The following ATP6AP2 variants were observed in gnomAD, a reference collection of about 807,000 sequenced individuals.
ATP6AP2 encodes the protein ATPase H+ transporting accessory protein 2, also known as renin receptor.
Under a neutral mutation model 23.4 loss-of-function variants are expected in ATP6AP2, and 1 was observed. That is an observed-to-expected ratio of 0.04 (90% CI 0.02 to 0.20). The LOEUF is 0.20. Among genes scored for constraint, ATP6AP2 ranks in the 10% least tolerant of loss-of-function variants. The pLI, the probability that ATP6AP2 is intolerant of heterozygous loss-of-function variation, is 1.00. For synonymous variants in ATP6AP2, 90 were observed against 97.1 expected (o/e 0.93, Z 0.43); for missense variants, 174 against 271.3 (o/e 0.64, Z 2.52).
Position 40,600,789 on chromosome X carries a change from G to T in ATP6AP2, c.766G>T (p.Gly256Cys), listed in dbSNP as rs777353753. 2 of 1,207,820 alleles carry T rather than the reference G, an allele frequency of 1.7e-6. No individual in the cohort carries two copies. Among genetic ancestry groups the T allele is most frequent in the Admixed American group, 4.3e-5 (2 of 46,026 alleles). Residue 256 changes from glycine to cysteine, a missense_variant, in exon 8 of 9, where the codon GGT becomes TGT. Physicochemically the swap from Gly to Cys is radical, Grantham distance 159. Transcript: ENST00000636580. ...KFADDMYSLY[G>C]GNAVVELVTV... ...TGCAGATGACATGTACAGTCTTTAT[G>T]GTGGGAATGCAGTGGTAGAGTTAGT...
At chrX:40,582,137 C>T (rs1926342781) in intron 1 of ATP6AP2, among the ~76,000 whole-genome samples, 1 of 111,808 alleles carries the variant, frequency 8.9e-6, no homozygotes, top group Admixed American at 9.5e-5. Flanking sequence ...CAGTTTAAAA[C>T]CTATGGGAGG....
At position 40,598,657 on chromosome X, in the gene ATP6AP2, T is replaced by A. The variant is rs371068792; in HGVS notation, c.535-24T>A. ...CTCTGGTGCACATTTAAAAGAATGC[T>A]CTTTTTTTTTGGGCTCTCTGAAGGT... is the stretch of plus-strand genomic sequence containing the variant. On this transcript the variant is annotated intron_variant, in intron 5 of 8. Coordinates refer to ENST00000636580, the MANE Select transcript of ATP6AP2 (RefSeq NM_005765.3). 1.0e-5 allele frequency: 12 copies of A among 1,196,042 alleles called. No homozygotes were observed. In the African/African-American group the frequency reaches 2.1e-4, roughly 21 times the overall value.
rs770593270 is a variant in ATP6AP2, at chrX:40,597,251, A to G, written c.303A>G (p.Ala101=). 1.7e-6 allele frequency: 2 copies of G among 1,191,442 alleles called. No individual in the cohort carries two copies. Among genetic ancestry groups the G allele is most frequent in the Middle Eastern group, 2.3e-4 (1 of 4,286 alleles). ...GSVISYPLEN[A]VPFSLDSVAN... ...GCGTTCTTACTCTTAAATTTCAGGC[A>G]GTTCCTTTTAGTCTTGACAGTGTTG... is the stretch of plus-strand genomic sequence containing the variant. The change falls in exon 4 of 9, where the codon GCA becomes GCG. Residue 101 remains alanine, a splice_region_variant and synonymous_variant. Coordinates refer to ENST00000636580, the MANE Select transcript of ATP6AP2 (RefSeq NM_005765.3).
chrX:40,584,138 G>A (rs1206719522), intron 1 of ATP6AP2, among the ~76,000 whole-genome samples: 1 of 110,165 alleles, frequency 9.1e-6, no homozygotes, highest in Non-Finnish European at 1.9e-5. Context: ...GTGCACTGGT[G>A]TGATCACAGC....
At chrX:40,586,774 A>G (rs985829490) in intron 1 of ATP6AP2, among the ~76,000 whole-genome samples, 1 of 111,732 alleles carries the variant, frequency 8.9e-6, no homozygotes, top group East Asian at 2.8e-4. Flanking sequence ...AGTTTGGACA[A>G]ATGACCTTCC....
At chrX:40,581,785 A>G (rs1192747333) in intron 1 of ATP6AP2, among the ~76,000 whole-genome samples, 1 of 111,877 alleles carries the variant, frequency 8.9e-6, no homozygotes, top group Non-Finnish European at 1.9e-5. Flanking sequence ...GCATTCAGCA[A>G]GAGGTGAAGA....
rs1284453932 is a variant in ATP6AP2, at chrX:40,600,626, T to C, written c.739-136T>C. On this transcript the variant is annotated intron_variant, in intron 7 of 8. Transcript: ENST00000636580. The stretch of plus-strand genomic sequence containing the variant: ...CATATGTTAATTAGCCAATGTGGAC[T>C]TAAGCCATTCCACAATGTGTACATA... 8.8e-6 allele frequency: 6 copies of C among 682,360 alleles called. No individual in the cohort carries two copies. In the South Asian group the frequency reaches 1.6e-4, roughly 18 times the overall value. The allele number at this position is 682,360 out of a possible 1,213,427, so 56.2% of individuals were successfully genotyped here.
At chrX:40,582,447 C>T (rs924864500) in intron 1 of ATP6AP2, among the ~76,000 whole-genome samples, 2 of 111,462 alleles carry the variant, frequency 1.8e-5, no homozygotes, top group African/African-American at 6.5e-5. Flanking sequence ...AACAAACATA[C>T]AAACAAACCA....
chrX:40,597,565 A>G lies in ATP6AP2; in HGVS notation c.435A>G (p.Glu145=). The change falls in exon 5 of 9, where the codon GAA becomes GAG. Residue 145 remains glutamate, a synonymous_variant. Transcript: ENST00000636580. ...TAGGGAAGGCAAACTCAGTGTTTGA[A>G]GACCTTTCAGTCACCTTGCGCCAGC... is the stretch of plus-strand genomic sequence containing the variant. ...YMVGKANSVF[E]DLSVTLRQLR... is the part of the protein sequence containing the mutation. 8.3e-7 allele frequency: 1 copy of G among 1,210,724 alleles called. No individual in the cohort carries two copies. The highest frequency in any genetic ancestry group is 3.0e-5 in the East Asian group (1 of 33,865).
At chrX:40,602,942 G>GTTTTTTT (rs1926974025) in intron 8 of ATP6AP2, among the ~76,000 whole-genome samples, 1 of 18,770 alleles carries the variant, frequency 5.3e-5, no homozygotes, top group African/African-American at 1.4e-4. Flanking sequence ...TTTTTTTTTT[G>GTTTTTTT]GATTTTTTGG....
intron 6 of ATP6AP2, chrX:40,599,100 G>C: frequency 4.3e-6 from 1 of 233,193 alleles, no homozygotes; most frequent in Middle Eastern, 1.4e-3. Context: ...GTCAAGTCAA[G>C]AAGGGACGAA....
intron 7 of ATP6AP2, chrX:40,600,087 A>G (rs1926867538): frequency 8.4e-6 from 2 of 236,836 alleles, no homozygotes; most frequent in Non-Finnish European, 1.5e-5. Context: ...AACCATCACC[A>G]TCTTCTATTT....
chrX:40,604,931 A>ATTTTTTTTTTTTTTTTTTTTTTTTTTTTT (rs142088347), intron 8 of ATP6AP2, among the ~76,000 whole-genome samples: 1 of 78,230 alleles, frequency 1.3e-5, no homozygotes, highest in Non-Finnish European at 2.3e-5. Context: ...TCTGTTGATG[A>ATTTTTTTTTTTTTTTTTTTTTTTTTTTTT]TTTTTTTTTT....
intron 1 of ATP6AP2, among the ~76,000 whole-genome samples, chrX:40,582,138 C>G (rs1242647721): frequency 8.9e-6 from 1 of 111,779 alleles, no homozygotes; most frequent in African/African-American, 3.3e-5. Flanking sequence ...AGTTTAAAAC[C>G]TATGGGAGGC....
At chrX:40,583,986 T>C (rs1261250911) in intron 1 of ATP6AP2, among the ~76,000 whole-genome samples, 1 of 111,588 alleles carries the variant, frequency 9.0e-6, no homozygotes, top group Non-Finnish European at 1.9e-5. Context: ...GCAGTAAGAG[T>C]CAAGAATGGA....
At chrX:40,601,044 G>A (rs186682001) in intron 8 of ATP6AP2, 163 bp downstream of exon 8, 19 of 499,105 alleles carry the variant, frequency 3.8e-5, no homozygotes, top group Non-Finnish European at 6.2e-5. Context: ...ATACATATGT[G>A]TGCTTTGCCA....
At chrX:40,581,221 C>G (rs889109771) in intron 1 of ATP6AP2, 119 bp downstream of exon 1, 1 of 787,581 alleles carries the variant, frequency 1.3e-6, no homozygotes, top group Non-Finnish European at 1.7e-6. Context: ...GGTCCGTCAG[C>G]GGCGGCCTCG....
intron 3 of ATP6AP2, chrX:40,591,852 C>T (rs1926639126): frequency 7.8e-6 from 1 of 127,536 alleles, no homozygotes; most frequent in African/African-American, 3.2e-5. Context: ...TATAGAAGTG[C>T]TTGAAAGAAT....
chrX:40,581,250 C>T (rs190867561), intron 1 of ATP6AP2, 148 bp downstream of exon 1: 2 of 659,900 alleles, frequency 3.0e-6, no homozygotes, highest in African/African-American at 2.4e-5. Flanking sequence ...GCGTCCCCGT[C>T]AGCATCTTCT....
Sources: allele counts gnomAD v4.1 joint callset (sites outside exome capture counted in the v4.1 genomes callset), GRCh38; gene constraint gnomAD v4.1.1; transcripts MANE v1.5; gene names NCBI Gene and HGNC (gene_info 2026-07-23, HGNC 2026-07-21).